Variants in KLHL20 observed in about 807,000 individuals in gnomAD.
KLHL20 encodes kelch like family member 20, also known as kelch-like protein 20.
Under a neutral mutation model 69.5 loss-of-function variants are expected in KLHL20, and 29 were observed. The observed-to-expected ratio is 0.42, with a 90% CI of 0.31 to 0.57. The LOEUF is 0.57. Ranked by LOEUF, KLHL20 falls within the 20% of genes least tolerant of loss-of-function variation. KLHL20 has a pLI of 0.18. For synonymous variants in KLHL20, 253 were observed against 265.2 expected (o/e 0.95, Z 0.45); for missense variants, 419 against 776.0 (o/e 0.54, Z 5.47).
At chr1:173,775,588 A>G (rs1281145821) in intron 9 of KLHL20, 46 bp from the exon 10 acceptor site, 1 of 1,507,678 alleles carries the variant, frequency 6.6e-7, no homozygotes, top group South Asian at 1.1e-5. Flanking sequence ...TGGAGGTGAG[A>G]GGAAATGGTT....
At chr1:173,757,542 G>A (rs1219788244) in intron 7 of KLHL20, among the ~76,000 whole-genome samples, 1 of 151,678 alleles carries the variant, frequency 6.6e-6, no homozygotes, top group Non-Finnish European at 1.5e-5. Flanking sequence ...GCTCATGCCT[G>A]TAATCCCAGC....
At chr1:173,722,958 G>A (rs1156578959) in intron 2 of KLHL20, among the ~76,000 whole-genome samples, 1 of 152,060 alleles carries the variant, frequency 6.6e-6, no homozygotes, top group Non-Finnish European at 1.5e-5. Flanking sequence ...CCAAAGTGCT[G>A]GGATTACAGG....
At chr1:173,761,364 A>G (rs1398604598) in intron 7 of KLHL20, among the ~76,000 whole-genome samples, 1 of 152,198 alleles carries the variant, frequency 6.6e-6, no homozygotes, top group Non-Finnish European at 1.5e-5. Flanking sequence ...ATGGATTTAA[A>G]CTATACCTTG....
At chr1:173,743,122 A>G (rs1251862871) in intron 3 of KLHL20, among the ~76,000 whole-genome samples, 1 of 31,194 alleles carries the variant, frequency 3.2e-5, no homozygotes, top group Non-Finnish European at 6.4e-5. Context: ...GAATGTGTAA[A>G]AAAAAAAAAA....
chr1:173,775,552 A>G lies in KLHL20; in HGVS notation c.1430-82A>G, dbSNP rs1228157791. On this transcript the variant is annotated intron_variant, in intron 9 of 11. Coordinates refer to ENST00000209884, the MANE Select transcript of KLHL20 (RefSeq NM_014458.4). The stretch of plus-strand genomic sequence containing the variant: ...ATGTGTTGAAAATATGTGTTATCAC[A>G]AAGTATCAGTGGCTATAAAGAAAAC... 11 of 1,146,526 alleles carry G rather than the reference A, an allele frequency of 9.6e-6. No homozygotes were observed. The Middle Eastern group carries it at 1.1e-3, about 117-fold the overall frequency. 71.0% of individuals were successfully genotyped at this position (1,146,526 alleles called of 1,614,324 possible).
chr1:173,785,407 G>C lies in KLHL20; in HGVS notation c.*160G>C. ...AATGAAAGTACTTCACCTGCAAGAT[G>C]CACAATAATTTTCAACTCTGTGCAG... On this transcript the variant is annotated 3_prime_UTR_variant, in exon 12 of 12. Coordinates refer to ENST00000209884, the MANE Select transcript of KLHL20 (RefSeq NM_014458.4). The C allele has an allele frequency of 2.5e-6, 1 of 400,012 alleles. No individual in the cohort carries two copies. 24.8% of individuals were successfully genotyped at this position (400,012 alleles called of 1,614,324 possible).
Position 173,766,282 on chromosome 1 carries a change from G to A in KLHL20, c.1288G>A (p.Val430Ile), listed in dbSNP as rs1022781106. 6.3e-7 allele frequency: 1 copy of A among 1,583,398 alleles called. No individual in the cohort carries two copies. Among genetic ancestry groups the A allele is most frequent in the Non-Finnish European group, 8.5e-7 (1 of 1,170,540 alleles). ...GGATGGTGTGTCTTGCCTCAACATT[G>A]TTGAGAGGTGATCTTTTTTTTAAGT... Reference protein sequence around the residue: ...GQDGVSCLNIVERYDPKENKW... With the variant: ...GQDGVSCLNIIERYDPKENKW... Residue 430 changes from valine to isoleucine, a missense_variant, in exon 8 of 12, where the codon GTT becomes ATT. Transcript: ENST00000209884.
intron 9 of KLHL20, among the ~76,000 whole-genome samples, 195 bp downstream of exon 9, chr1:173,774,633 A>T (rs772468175): frequency 9.2e-5 from 14 of 152,082 alleles, no homozygotes; most frequent in Non-Finnish European, 1.6e-4. Context: ...ACGTTCCCCA[A>T]ATATTTATTT....
chr1:173,753,068 G>T, intron 4 of KLHL20, 145 bp from the exon 5 acceptor site: 1 of 603,026 alleles, frequency 1.7e-6, no homozygotes, highest in Non-Finnish European at 2.9e-6. Context: ...AGCTACTCTG[G>T]AGGCTGAGGT....
At chr1:173,756,710 C>A (rs868566557) in intron 6 of KLHL20, among the ~76,000 whole-genome samples, 1 of 152,180 alleles carries the variant, frequency 6.6e-6, no homozygotes, top group Non-Finnish European at 1.5e-5. Flanking sequence ...TCCATTCTAT[C>A]CATATATACA....
intron 2 of KLHL20, among the ~76,000 whole-genome samples, chr1:173,727,832 A>G (rs976049162): frequency 2.0e-5 from 3 of 152,196 alleles, no homozygotes; most frequent in Admixed American, 6.5e-5. Flanking sequence ...CTAGGAAGAA[A>G]CTGCATCAAC....
chr1:173,758,232 T>C (rs771007212), intron 7 of KLHL20, among the ~76,000 whole-genome samples: 4 of 151,520 alleles, frequency 2.6e-5, no homozygotes, highest in Non-Finnish European at 4.4e-5. Flanking sequence ...GATTGCGCCA[T>C]TGCACTCTAG....
At chr1:173,728,184 AAGAGCTAACTATCC>A (rs1373204346) in intron 2 of KLHL20, among the ~76,000 whole-genome samples, 1 of 152,228 alleles carries the variant, frequency 6.6e-6, no homozygotes, top group Non-Finnish European at 1.5e-5. Flanking sequence ...ATTCAACAAG[AAGAGCTAACTATCC>A]TAAATATATA....
At position 173,716,027 on chromosome 1, in the gene KLHL20, G is replaced by A; in HGVS notation, c.-17G>A. On this transcript the variant is annotated 5_prime_UTR_variant, in exon 2 of 12. Coordinates refer to ENST00000209884, the MANE Select transcript of KLHL20 (RefSeq NM_014458.4). ...GGTTCGGCTTTAGAGTGTGGTGAAG[G>A]GTACTTTTCATGGTGCATGGAAGGA... The A allele has an allele frequency of 3.1e-6, 5 of 1,613,298 alleles. No individual in the cohort carries two copies. Among genetic ancestry groups the A allele is most frequent in the Non-Finnish European group, 4.2e-6 (5 of 1,179,520 alleles).
At chr1:173,751,178 C>T (rs1673295586) in intron 3 of KLHL20, among the ~76,000 whole-genome samples, 1 of 152,138 alleles carries the variant, frequency 6.6e-6, no homozygotes, top group East Asian at 1.9e-4. Context: ...AAGGTAATAT[C>T]CTTGTTGCCG....
chr1:173,781,281 C>T (rs1324166969), intron 10 of KLHL20, among the ~76,000 whole-genome samples: 1 of 151,966 alleles, frequency 6.6e-6, no homozygotes, highest in African/African-American at 2.4e-5. Flanking sequence ...TTAAAACTTA[C>T]CCTTAAATAG....
chr1:173,752,785 G>A (rs1022053327), intron 4 of KLHL20, among the ~76,000 whole-genome samples: 8 of 152,080 alleles, frequency 5.3e-5, no homozygotes, highest in African/African-American at 2.4e-5. Flanking sequence ...TATGGTATTC[G>A]GTGAGATCCC....
At position 173,769,652 on chromosome 1, in the gene KLHL20, G is replaced by A. The variant is rs1020566298; in HGVS notation, c.1295+3363G>A. On this transcript the variant is annotated intron_variant, in intron 8 of 11. Transcript: ENST00000209884. ...AAAATAAAAAAATTAGCCAGGCTTG[G>A]TGGCATACACCTGTGGTCCCAGTTA... Among the ~76,000 whole-genome samples, 11 of 151,830 alleles carry A rather than the reference G, an allele frequency of 7.2e-5. No individual in the cohort carries two copies. In the East Asian group the frequency reaches 2.1e-3, roughly 29 times the overall value.
At chr1:173,742,760 A>G (rs1672875937) in intron 3 of KLHL20, among the ~76,000 whole-genome samples, 1 of 151,172 alleles carries the variant, frequency 6.6e-6, no homozygotes, top group Admixed American at 6.6e-5. Flanking sequence ...ATATGTATAT[A>G]TACACGTATA....
Sources: gnomAD v4.1 joint callset for allele counts (sites outside exome capture counted in the v4.1 genomes callset) on GRCh38, gnomAD v4.1.1 for gene constraint, MANE v1.5 for transcripts, NCBI Gene and HGNC (gene_info 2026-07-23, HGNC 2026-07-21) for gene names.